Variants in ABCD3 observed in about 807,000 individuals in gnomAD.
ABCD3 encodes ATP binding cassette subfamily D member 3.
In ABCD3, 41 loss-of-function variants were observed where a neutral mutation model predicts 105.5. The ratio of observed to expected loss-of-function variants is 0.39; its 90% CI spans 0.30 to 0.50. The LOEUF (loss-of-function observed/expected upper bound fraction) is 0.50, where lower values mean the gene tolerates loss of function less well. ABCD3 is among the 20% of genes least tolerant of loss of function. The pLI is 0.84. For missense variants in ABCD3, 622 were observed against 806.3 expected (o/e 0.77, Z 2.77); for synonymous variants, 258 against 269.0 (o/e 0.96, Z 0.40).
intron 4 of ABCD3, among the ~76,000 whole-genome samples, chr1:94,473,510 A>G (rs551200049): frequency 1.3e-5 from 2 of 152,128 alleles, no homozygotes; most frequent in South Asian, 2.1e-4. Context: ...TAAAGCAGCC[A>G]TTTTTACTAA....
chr1:94,417,678 C>G (rs1053653403), upstream of ABCD3, among the ~76,000 whole-genome samples: 1 of 152,240 alleles, frequency 6.6e-6, no homozygotes, highest in Non-Finnish European at 1.5e-5. Context: ...GCGATACATA[C>G]GTGCAAAACA....
chr1:94,476,778 C>A (rs890069126), intron 7 of ABCD3, among the ~76,000 whole-genome samples: 7 of 152,094 alleles, frequency 4.6e-5, no homozygotes, highest in Non-Finnish European at 1.0e-4. Flanking sequence ...TCTCCAGAAG[C>A]CTTTGCTAAC....
intron 4 of ABCD3, among the ~76,000 whole-genome samples, chr1:94,470,340 G>A (rs1290326877): frequency 6.6e-6 from 1 of 152,178 alleles, no homozygotes; most frequent in Non-Finnish European, 1.5e-5. Flanking sequence ...AATTATGAAT[G>A]TCTGGGCCCC....
In ABCD3 at chr1:94,483,157, T is replaced by C. The variant is rs753324625; in HGVS notation, c.828-13T>C. ...AACATTAAAATTAATTGCTAAATTA[T>C]TTTCTTTAATAGTGAAGAAATTGCC... is the stretch of plus-strand genomic sequence containing the variant. On this transcript the variant is annotated splice_polypyrimidine_tract_variant and intron_variant, in intron 9 of 22. Coordinates refer to ENST00000370214, the MANE Select transcript of ABCD3 (RefSeq NM_002858.4). 2 of 1,539,724 alleles carry C rather than the reference T, an allele frequency of 1.3e-6. No individual in the cohort carries two copies. Among genetic ancestry groups the C allele is most frequent in the Non-Finnish European group, 1.8e-6 (2 of 1,112,910 alleles).
Position 94,478,620 on chromosome 1 carries a change from A to G in ABCD3, c.684+305A>G, listed in dbSNP as rs113698743. 13 of 1,135,788 alleles carry G rather than the reference A, an allele frequency of 1.1e-5. No homozygotes were observed. In the African/African-American group the frequency reaches 1.6e-4, roughly 14 times the overall value. 70.4% of individuals were successfully genotyped at this position (1,135,788 alleles called of 1,614,324 possible). A position where few individuals can be genotyped will look rare whatever the true frequency, so the allele number is the denominator to read the frequency against. On this transcript the variant is annotated intron_variant, in intron 8 of 22. Coordinates refer to ENST00000370214, the MANE Select transcript of ABCD3 (RefSeq NM_002858.4). ...AATCCCAGCACTTTGGGAGGCTGAGATGGGAGGATCGCTTGAATCCAGGAG... is the reference window on the plus strand; with the variant it reads ...AATCCCAGCACTTTGGGAGGCTGAGGTGGGAGGATCGCTTGAATCCAGGAG...
chr1:94,435,862 A>T (rs1472019816), intron 1 of ABCD3, among the ~76,000 whole-genome samples: 1 of 152,172 alleles, frequency 6.6e-6, no homozygotes, highest in Non-Finnish European at 1.5e-5. Context: ...GAACCTTTTG[A>T]TTTAATTATT....
chr1:94,468,100 G>A (rs1648246588), intron 4 of ABCD3, 93 bp downstream of exon 4: 1 of 946,702 alleles, frequency 1.1e-6, no homozygotes, highest in Non-Finnish European at 1.7e-6. Flanking sequence ...TAGATTCTAA[G>A]TTAGGTAAAA....
At chr1:94,513,989 AGAGGTGTAGATACAAACC>A (rs1275759332) in intron 21 of ABCD3, 1 of 152,086 alleles carries the variant, frequency 6.6e-6, no homozygotes, top group East Asian at 1.9e-4. Context: ...TTTGGCAATC[AGAGGTGTAGATACAAACC>A]GAGGAACTTG....
At chr1:94,510,788 T>C (rs530450083) in intron 21 of ABCD3, among the ~76,000 whole-genome samples, 1 of 152,172 alleles carries the variant, frequency 6.6e-6, no homozygotes, top group African/African-American at 2.4e-5. Context: ...TTAAAGTCTG[T>C]TTTATCAGAG....
At chr1:94,420,114 G>A (rs894747192) in intron 1 of ABCD3, among the ~76,000 whole-genome samples, 4 of 152,138 alleles carry the variant, frequency 2.6e-5, no homozygotes, top group Non-Finnish European at 5.9e-5. Flanking sequence ...ATGATTATAT[G>A]TATATGTGAT....
intron 7 of ABCD3, among the ~76,000 whole-genome samples, chr1:94,477,720 G>C (rs1440957462): frequency 4.4e-5 from 3 of 67,872 alleles, no homozygotes; most frequent in Admixed American, 3.5e-4. Flanking sequence ...GTACATTAAT[G>C]TGTTATTTTG....
At chr1:94,448,938 A>T (rs1474278629) in intron 1 of ABCD3, among the ~76,000 whole-genome samples, 1 of 152,148 alleles carries the variant, frequency 6.6e-6, no homozygotes. Flanking sequence ...AGCATTATTA[A>T]CTTTAAATTT....
At chr1:94,408,673 G>C in the ABCD3 span, among the ~76,000 whole-genome samples, 1 of 152,156 alleles carries the variant, frequency 6.6e-6, no homozygotes, top group African/African-American at 2.4e-5. Flanking sequence ...CATCCATATG[G>C]CTGGATGAGC....
chr1:94,472,133 C>A, intron 4 of ABCD3: 2 of 638,174 alleles, frequency 3.1e-6, no homozygotes, highest in Non-Finnish European at 3.9e-6. Flanking sequence ...GTGATTAGGG[C>A]TATTGTAAAA....
chr1:94,511,630 A>C (rs1400159302), intron 21 of ABCD3, among the ~76,000 whole-genome samples: 1 of 152,126 alleles, frequency 6.6e-6, no homozygotes, highest in Non-Finnish European at 1.5e-5. Context: ...CAGGTACACC[A>C]ATCAGATGTA....
chr1:94,395,368 G>A, the ABCD3 span, among the ~76,000 whole-genome samples: 68 of 152,290 alleles, frequency 4.5e-4, no homozygotes, highest in Non-Finnish European at 8.5e-4. Flanking sequence ...CTCCTCAACA[G>A]CAGGAGGCCA....
chr1:94,388,252 C>T, the ABCD3 span, among the ~76,000 whole-genome samples: 3 of 152,024 alleles, frequency 2.0e-5, no homozygotes, highest in Non-Finnish European at 2.9e-5. Context: ...AAAGAAATTC[C>T]GTTTAAACTA....
chr1:94,460,232 A>G (rs1184183093), intron 2 of ABCD3, among the ~76,000 whole-genome samples: 2 of 152,156 alleles, frequency 1.3e-5, no homozygotes, highest in Non-Finnish European at 2.9e-5. Context: ...CCTACTATCT[A>G]TACCATTAGT....
chr1:94,471,506 A>G (rs1648458248), intron 4 of ABCD3, among the ~76,000 whole-genome samples: 1 of 152,024 alleles, frequency 6.6e-6, no homozygotes, highest in African/African-American at 2.4e-5. Context: ...TCACAAAAAA[A>G]AAAAAAAAAA....
Sources: gnomAD v4.1 joint callset for allele counts (sites outside exome capture counted in the v4.1 genomes callset) on GRCh38, gnomAD v4.1.1 for gene constraint, MANE v1.5 for transcripts, NCBI Gene and HGNC (gene_info 2026-07-23, HGNC 2026-07-21) for gene names.